The following MLLT3 variants were observed in gnomAD, a reference collection of about 807,000 sequenced individuals.
MLLT3 encodes protein AF-9.
MLLT3 carries 4 observed loss-of-function variants against 53.2 expected under a neutral mutation model. The ratio of observed to expected loss-of-function variants is 0.08; its 90% CI spans 0.04 to 0.17. MLLT3 has a LOEUF of 0.17. MLLT3 is among the 10% of genes least tolerant of loss of function. The probability of loss-of-function intolerance (pLI) is 1.00; values close to 1 mark genes in which losing one functional copy is unlikely to be tolerated. For synonymous variants in MLLT3, 283 were observed against 230.6 expected (o/e 1.23, Z -2.06); for missense variants, 569 against 684.0 (o/e 0.83, Z 1.87).
At chr9:20,586,311 C>A (rs1398000463) in intron 2 of MLLT3, among the ~76,000 whole-genome samples, 6 of 150,536 alleles carry the variant, frequency 4.0e-5, no homozygotes, top group African/African-American at 1.2e-4. Context: ...CAGAGCAAGA[C>A]CCCATCTCAG....
At chr9:20,548,165 G>A (rs1385637606) in intron 2 of MLLT3, among the ~76,000 whole-genome samples, 1 of 152,204 alleles carries the variant, frequency 6.6e-6, no homozygotes, top group Non-Finnish European at 1.5e-5. Context: ...AAAATTAAAT[G>A]AAATTTAGAA....
chr9:20,502,044 G>A (rs1428392197), intron 2 of MLLT3, among the ~76,000 whole-genome samples: 2 of 124,466 alleles, frequency 1.6e-5, no homozygotes, highest in African/African-American at 5.9e-5. Context: ...TGGTGCCATT[G>A]CACTCCAGCC....
chr9:20,433,908 A>G (rs1453168879), intron 4 of MLLT3, among the ~76,000 whole-genome samples: 1 of 151,374 alleles, frequency 6.6e-6, no homozygotes, highest in Non-Finnish European at 1.5e-5. Flanking sequence ...AGGTCAAGAG[A>G]TCGAGACCAT....
chr9:20,587,529 A>G (rs982642815), intron 2 of MLLT3, among the ~76,000 whole-genome samples: 1 of 120,670 alleles, frequency 8.3e-6, no homozygotes, highest in Non-Finnish European at 2.0e-5. Flanking sequence ...TTCTAAGATA[A>G]AAGAAAAAAA....
intron 3 of MLLT3, among the ~76,000 whole-genome samples, chr9:20,454,150 T>C (rs1056176904): frequency 7.2e-5 from 11 of 152,194 alleles, no homozygotes; most frequent in Admixed American, 5.2e-4. Flanking sequence ...AATGAATATA[T>C]GTTTTACAGT....
At chr9:20,419,793 GAA>G (rs1198971296) in intron 4 of MLLT3, among the ~76,000 whole-genome samples, 8 of 152,124 alleles carry the variant, frequency 5.3e-5, no homozygotes, top group Admixed American at 5.2e-4. Context: ...AAGGACTTGA[GAA>G]AAGAGTCTAG....
At chr9:20,426,107 A>G (rs1387973670) in intron 4 of MLLT3, among the ~76,000 whole-genome samples, 1 of 152,036 alleles carries the variant, frequency 6.6e-6, no homozygotes, top group Non-Finnish European at 1.5e-5. Flanking sequence ...TCTCCTATTT[A>G]TATATACTCC....
At chr9:20,538,619 C>T (rs895793288) in intron 2 of MLLT3, among the ~76,000 whole-genome samples, 2 of 152,150 alleles carry the variant, frequency 1.3e-5, no homozygotes, top group African/African-American at 4.8e-5. Flanking sequence ...AGGAAATTCC[C>T]TTACACTTCC....
intron 8 of MLLT3, among the ~76,000 whole-genome samples, chr9:20,356,540 T>A (rs1436539249): frequency 6.6e-6 from 1 of 151,800 alleles, no homozygotes; most frequent in Non-Finnish European, 1.5e-5. Flanking sequence ...GCAGAGACAA[T>A]CCGCTGAGAT....
At chr9:20,495,992 G>T (rs1243088906) in intron 2 of MLLT3, among the ~76,000 whole-genome samples, 2 of 152,124 alleles carry the variant, frequency 1.3e-5, no homozygotes, top group Admixed American at 1.3e-4. Flanking sequence ...TTATAACACA[G>T]TTTGAGTCAC....
intron 5 of MLLT3, among the ~76,000 whole-genome samples, chr9:20,383,344 T>C (rs1255095728): frequency 6.6e-6 from 1 of 151,912 alleles, no homozygotes; most frequent in Non-Finnish European, 1.5e-5. Context: ...ATGTCAAATA[T>C]TTTGAAAAAT....
chr9:20,615,091 C>T (rs7036299), intron 2 of MLLT3, among the ~76,000 whole-genome samples: 1 of 152,170 alleles, frequency 6.6e-6, no homozygotes, highest in East Asian at 1.9e-4. Context: ...TGCCTGTAAT[C>T]TCAGCAATTT....
At chr9:20,360,127 T>C (rs1264973010) in intron 8 of MLLT3, among the ~76,000 whole-genome samples, 2 of 152,234 alleles carry the variant, frequency 1.3e-5, no homozygotes, top group Non-Finnish European at 2.9e-5. Flanking sequence ...CAGCATTTTA[T>C]TAATTATTCC....
intron 2 of MLLT3, among the ~76,000 whole-genome samples, chr9:20,615,514 T>G (rs1055977613): frequency 3.3e-5 from 5 of 152,006 alleles, no homozygotes; most frequent in Non-Finnish European, 7.4e-5. Context: ...GGCAAATACC[T>G]TGGAAGATTT....
At chr9:20,604,573 T>C (rs1167494422) in intron 2 of MLLT3, among the ~76,000 whole-genome samples, 2 of 152,088 alleles carry the variant, frequency 1.3e-5, no homozygotes, top group African/African-American at 4.8e-5. Flanking sequence ...CAAATCATAG[T>C]CATATAGATT....
chr9:20,574,725 T>G (rs1819611321), intron 2 of MLLT3, among the ~76,000 whole-genome samples: 1 of 152,150 alleles, frequency 6.6e-6, no homozygotes, highest in Non-Finnish European at 1.5e-5. Context: ...GTGATGAAGG[T>G]TAAGGTGGCT....
chr9:20,445,493 T>C (rs549116616), intron 4 of MLLT3, among the ~76,000 whole-genome samples: 28 of 152,190 alleles, frequency 1.8e-4, no homozygotes, highest in Non-Finnish European at 8.8e-5. Context: ...GTAGAAAAAA[T>C]CTGCAGTTTT....
chr9:20,387,365 T>C (rs1479828477), intron 5 of MLLT3, among the ~76,000 whole-genome samples: 1 of 152,258 alleles, frequency 6.6e-6, no homozygotes, highest in African/African-American at 2.4e-5. Flanking sequence ...CACTTAAAGA[T>C]GTTAGGGATT....
At chr9:20,470,940 C>G (rs1445769952) in intron 2 of MLLT3, among the ~76,000 whole-genome samples, 2 of 151,946 alleles carry the variant, frequency 1.3e-5, no homozygotes, top group African/African-American at 4.8e-5. Flanking sequence ...TAAAGACAGC[C>G]AATTTCAAAT....
Sources: gnomAD v4.1 joint callset for allele counts (sites outside exome capture counted in the v4.1 genomes callset) on GRCh38, gnomAD v4.1.1 for gene constraint, MANE v1.5 for transcripts, NCBI Gene and HGNC (gene_info 2026-07-23, HGNC 2026-07-21) for gene names.